The following KIAA1217 variants were observed in gnomAD, a reference collection of about 807,000 sequenced individuals.
The protein encoded by KIAA1217 is sickle tail protein homolog.
A neutral mutation model predicts 163.9 loss-of-function variants in KIAA1217; 88 were observed. The observed-to-expected ratio is 0.54, with a 90% CI of 0.45 to 0.64. The LOEUF is 0.64. Among genes scored for constraint, KIAA1217 ranks in the 30% least tolerant of loss-of-function variants. The pLI, the probability that KIAA1217 is intolerant of heterozygous loss-of-function variation, is 0.00. For missense variants in KIAA1217, 2,372 were observed against 2,475.0 expected, an observed-to-expected ratio of 0.96 and a Z score of 0.88; for synonymous variants, 903 against 923.1, an observed-to-expected ratio of 0.98 and a Z score of 0.39.
chr10:24,421,826 G>C (rs1042872886), intron 3 of KIAA1217, among the ~76,000 whole-genome samples: 1 of 152,056 alleles, frequency 6.6e-6, no homozygotes. Context: ...AATTATTTTG[G>C]ATCATGATGT....
chr10:24,204,397 C>T (rs6482373), upstream of KIAA1217, among the ~76,000 whole-genome samples: 143,639 of 152,322 alleles, frequency 0.94, 68,043 homozygotes, highest in African/African-American at 0.99. Flanking sequence ...ATGGAATCTG[C>T]GAAATTGTTT....
chr10:24,518,922 A>G (rs1172438327), intron 10 of KIAA1217, among the ~76,000 whole-genome samples: 2 of 152,224 alleles, frequency 1.3e-5, no homozygotes, highest in Non-Finnish European at 2.9e-5. Context: ...ACAGAATCAA[A>G]GACATCACCA....
chr10:24,128,303 G>A (rs1209310481), intron 2 of KIAA1217, among the ~76,000 whole-genome samples: 1 of 152,154 alleles, frequency 6.6e-6, no homozygotes, highest in Non-Finnish European at 1.5e-5. Context: ...GGTTGCAGGA[G>A]GAGGATGCAA....
rs1331069997 is a variant in KIAA1217 at position 24,452,679 on chromosome 10, C to CAA, written c.846+14219_846+14220dup. Among the ~76,000 whole-genome samples the CAA allele has an allele frequency of 5.8e-4, 37 of 64,060 alleles. 1 individual carries two copies. The highest frequency in any genetic ancestry group is 1.6e-3 in the African/African-American group (30 of 18,478). The allele number at this position is 64,060 out of a possible 152,430, so 42.0% of individuals were successfully genotyped here. A position where few individuals can be genotyped will look rare whatever the true frequency, so the allele number is the denominator to read the frequency against. The stretch of plus-strand genomic sequence containing the variant: ...CCTGAGTGACAAAGCAAGACTGTCT[C>CAA]AAAAAAAAAAAAAAAAAAAATAGAA... On this transcript the variant is annotated intron_variant, in intron 5 of 20. Transcript: ENST00000376454.
At chr10:24,103,818 T>C (rs2062514007) in intron 2 of KIAA1217, among the ~76,000 whole-genome samples, 1 of 152,204 alleles carries the variant, frequency 6.6e-6, no homozygotes, top group Non-Finnish European at 1.5e-5. Flanking sequence ...CTTCAAGACT[T>C]ACTTTCAAGC....
chr10:23,978,914 G>A (rs750389972), intron 1 of KIAA1217, among the ~76,000 whole-genome samples: 18 of 152,184 alleles, frequency 1.2e-4, no homozygotes, highest in Non-Finnish European at 2.4e-4. Context: ...TGGCTCTGTC[G>A]GTTATGGAAA....
At chr10:24,466,426 C>A in intron 5 of KIAA1217, 1 of 602,876 alleles carries the variant, frequency 1.7e-6, no homozygotes, top group Non-Finnish European at 2.1e-6. Flanking sequence ...AGGACTGAGT[C>A]ACCCGTGAGG....
intron 1 of KIAA1217, among the ~76,000 whole-genome samples, chr10:23,925,822 C>T (rs1842997918): frequency 2.0e-5 from 3 of 152,084 alleles, no homozygotes; most frequent in Admixed American, 2.0e-4. Context: ...GGTCTGGGAT[C>T]CAAAGAGGCC....
At chr10:23,982,227 T>G (rs1022464668) in intron 1 of KIAA1217, among the ~76,000 whole-genome samples, 1 of 152,188 alleles carries the variant, frequency 6.6e-6, no homozygotes, top group African/African-American at 2.4e-5. Context: ...TTACAACTGT[T>G]AAAGAAAGAA....
At chr10:23,759,724 G>T (rs1046501453) in intron 1 of KIAA1217, among the ~76,000 whole-genome samples, 13 of 152,194 alleles carry the variant, frequency 8.5e-5, no homozygotes, top group Admixed American at 2.6e-4. Flanking sequence ...ATGTCTGACA[G>T]ACTTTGGGCT....
In KIAA1217 at chr10:23,962,158, G is replaced by A. The variant is rs76269847; in HGVS notation, c.-320-45067G>A. Reference sequence around the variant, plus strand: ...CTGACTCTGACCAATGGAATTACTAGGCATTATTCTCATGTAGAGTAGTGA... The same window carrying A: ...CTGACTCTGACCAATGGAATTACTAAGCATTATTCTCATGTAGAGTAGTGA... On this transcript the variant is annotated intron_variant, in intron 1 of 18. Coordinates refer to the KIAA1217 transcript ENST00000376462. Among the ~76,000 whole-genome samples, 393 of 152,302 alleles carry A rather than the reference G, an allele frequency of 2.6e-3. 1 individual carries two copies. Among genetic ancestry groups the A allele is most frequent in the African/African-American group, 8.9e-3 (368 of 41,570 alleles).
chr10:23,772,944 G>C (rs138671451), intron 1 of KIAA1217, among the ~76,000 whole-genome samples: 1,785 of 152,206 alleles, frequency 0.012, 31 homozygotes, highest in African/African-American at 0.041. Context: ...TTGAATCAAG[G>C]CCCTAATTTT....
chr10:23,794,728 A>G (rs1283053876), intron 1 of KIAA1217, among the ~76,000 whole-genome samples: 2 of 152,234 alleles, frequency 1.3e-5, no homozygotes, highest in African/African-American at 4.8e-5. Flanking sequence ...ATAAATGTGT[A>G]ATGGATCACC....
At chr10:24,066,614 A>G (rs2060958521) in intron 2 of KIAA1217, among the ~76,000 whole-genome samples, 2 of 152,042 alleles carry the variant, frequency 1.3e-5, no homozygotes, top group African/African-American at 2.4e-5. Flanking sequence ...TCTGACAATT[A>G]TGTGTCTTGG....
intron 1 of KIAA1217, among the ~76,000 whole-genome samples, chr10:23,739,867 T>A (rs1399612154): frequency 6.6e-6 from 1 of 152,126 alleles, no homozygotes; most frequent in East Asian, 1.9e-4. Flanking sequence ...CAGCTCTAGA[T>A]ATATTCTGAA....
intron 1 of KIAA1217, among the ~76,000 whole-genome samples, chr10:23,959,720 C>A (rs1318798451): frequency 6.6e-6 from 1 of 151,968 alleles, no homozygotes; most frequent in Non-Finnish European, 1.5e-5. Context: ...TGGGTAAGAT[C>A]TATTGTCCAA....
chr10:23,821,247 T>A (rs1157121905), intron 1 of KIAA1217, among the ~76,000 whole-genome samples: 1 of 152,084 alleles, frequency 6.6e-6, no homozygotes, highest in East Asian at 1.9e-4. Context: ...AAGTCATGTG[T>A]TTTAAGTGTC....
At chr10:24,339,321 T>G (rs2046775230) in intron 2 of KIAA1217, among the ~76,000 whole-genome samples, 1 of 152,258 alleles carries the variant, frequency 6.6e-6, no homozygotes, top group African/African-American at 2.4e-5. Flanking sequence ...CACCCAATTT[T>G]TGGCTATTCA....
intron 1 of KIAA1217, among the ~76,000 whole-genome samples, chr10:23,800,718 GA>G (rs1312887028): frequency 6.6e-6 from 1 of 152,086 alleles, no homozygotes; most frequent in East Asian, 1.9e-4. Context: ...GCAAACATAT[GA>G]AAAAAACCTT....
Sources: gnomAD v4.1 joint callset for allele counts (sites outside exome capture counted in the v4.1 genomes callset) on GRCh38, gnomAD v4.1.1 for gene constraint, MANE v1.5 for transcripts, NCBI Gene and HGNC (gene_info 2026-07-23, HGNC 2026-07-21) for gene names.